Variants in PALS2 observed in about 807,000 individuals in gnomAD.
The protein encoded by PALS2 is protein PALS2.
Under a neutral mutation model 61.6 loss-of-function variants are expected in PALS2, and 27 were observed. The observed-to-expected ratio is 0.44, with a 90% CI of 0.32 to 0.60. PALS2 has a LOEUF of 0.60. Among genes scored for constraint, PALS2 ranks in the 20% least tolerant of loss-of-function variants. The probability of loss-of-function intolerance (pLI) is 0.05; values close to 1 mark genes in which losing one functional copy is unlikely to be tolerated. For missense variants in PALS2, 554 were observed against 639.4 expected, an observed-to-expected ratio of 0.87 and a Z score of 1.44; for synonymous variants, 236 against 218.6, an observed-to-expected ratio of 1.08 and a Z score of -0.70.
intron 5 of PALS2, among the ~76,000 whole-genome samples, chr7:24,661,343 AT>A (rs1218778629): frequency 5.3e-5 from 8 of 152,068 alleles, no homozygotes; most frequent in African/African-American, 1.7e-4. Flanking sequence ...AAAAAAAAAA[AT>A]AAATTGTTCT....
At chr7:24,608,640 G>A (rs1784010043) in intron 1 of PALS2, among the ~76,000 whole-genome samples, 1 of 152,132 alleles carries the variant, frequency 6.6e-6, no homozygotes, top group Non-Finnish European at 1.5e-5. Context: ...TTTAGAAACA[G>A]TGTCTTGCTG....
chr7:24,681,578 G>C (rs1202579671), intron 11 of PALS2, among the ~76,000 whole-genome samples: 1 of 142,464 alleles, frequency 7.0e-6, no homozygotes. Flanking sequence ...ATTCAAACAA[G>C]ATCAACACAT....
At position 24,666,023 on chromosome 7, in the gene PALS2, C is replaced by G. The variant is rs1786998692; in HGVS notation, c.886C>G (p.Pro296Ala). 1.2e-6 allele frequency: 2 copies of G among 1,607,746 alleles called. No homozygotes were observed. The highest frequency in any genetic ancestry group is 2.2e-5 in the East Asian group (1 of 44,794). The part of the protein sequence containing the change: ...FVRRDWDNSG[P>A]FCGTISSKKK... ...ATATTTGTTTTATCATCCTTCAGGA[C>G]CTTTTTGTGGAACTATAAGTAGCAA... Residue 296 changes from proline (P) to alanine (A), a missense_variant and splice_region_variant, in exon 8 of 12, where the codon CCT becomes GCT. Coordinates refer to ENST00000222644, the MANE Select transcript of PALS2 (RefSeq NM_001303037.2).
At chr7:24,595,424 T>A (rs993036010) in intron 1 of PALS2, among the ~76,000 whole-genome samples, 1 of 141,404 alleles carries the variant, frequency 7.1e-6, no homozygotes, top group African/African-American at 2.6e-5. Context: ...TATAAATATA[T>A]AAAAAATATA....
At chr7:24,576,463 G>T (rs1400918528) in intron 1 of PALS2, among the ~76,000 whole-genome samples, 1 of 152,196 alleles carries the variant, frequency 6.6e-6, no homozygotes, top group African/African-American at 2.4e-5. Context: ...GCACTCTGAA[G>T]CAAGTCTCAA....
intron 1 of PALS2, among the ~76,000 whole-genome samples, chr7:24,599,617 G>C (rs182870130): frequency 1.4e-5 from 2 of 144,828 alleles, no homozygotes; most frequent in Non-Finnish European, 3.0e-5. Context: ...TGATTTTCCC[G>C]TCCCAGCCTC....
chr7:24,640,427 A>G (rs1018143783), intron 2 of PALS2, among the ~76,000 whole-genome samples: 6 of 152,188 alleles, frequency 3.9e-5, no homozygotes, highest in East Asian at 1.9e-4. Context: ...AATAACATCT[A>G]AAGTATGATA....
At chr7:24,624,669 C>G (rs1784663532) in intron 2 of PALS2, among the ~76,000 whole-genome samples, 1 of 135,834 alleles carries the variant, frequency 7.4e-6, no homozygotes, top group Non-Finnish European at 1.5e-5. Flanking sequence ...TGCACTGGCA[C>G]GATCTCAGCT....
intron 3 of PALS2, among the ~76,000 whole-genome samples, chr7:24,642,209 C>G (rs1197057059): frequency 2.0e-5 from 3 of 152,162 alleles, no homozygotes; most frequent in African/African-American, 7.2e-5. Context: ...CATTCCCATT[C>G]TGTTTCTTAG....
At chr7:24,630,007 A>G (rs367952257) in intron 2 of PALS2, among the ~76,000 whole-genome samples, 1 of 152,204 alleles carries the variant, frequency 6.6e-6, no homozygotes, top group Non-Finnish European at 1.5e-5. Context: ...AAATCATTCT[A>G]CTATAAAGAC....
chr7:24,640,987 A>G lies in PALS2; in HGVS notation c.118-729A>G, dbSNP rs201674281. ...CGCGCCACTGCACTCCAGCCTGGGCAACAGTGCGAGACTCCATCTCAAAAA... is the reference window on the plus strand; with the variant it reads ...CGCGCCACTGCACTCCAGCCTGGGCGACAGTGCGAGACTCCATCTCAAAAA... On this transcript the variant is annotated intron_variant, in intron 2 of 11. Coordinates refer to ENST00000222644, the MANE Select transcript of PALS2 (RefSeq NM_001303037.2). Among the ~76,000 whole-genome samples, 511 of 144,910 alleles carry G rather than the reference A, an allele frequency of 3.5e-3. 8 individuals are homozygous for G. In the East Asian group the frequency reaches 0.04, roughly 11 times the overall value.
At chr7:24,609,841 T>C (rs55822161) in intron 1 of PALS2, among the ~76,000 whole-genome samples, 9,583 of 152,190 alleles carry the variant, frequency 0.063, 347 homozygotes, top group African/African-American at 0.093. Context: ...CTTAATGGCC[T>C]GGAATGACTG....
chr7:24,590,720 A>C (rs1408473549), intron 1 of PALS2, among the ~76,000 whole-genome samples: 2 of 152,064 alleles, frequency 1.3e-5, no homozygotes, highest in Admixed American at 1.3e-4. Flanking sequence ...GCCAGGGCCT[A>C]AATGGCAGCT....
chr7:24,584,850 G>A (rs1782996913), intron 1 of PALS2, among the ~76,000 whole-genome samples: 1 of 151,860 alleles, frequency 6.6e-6, no homozygotes, highest in Admixed American at 6.5e-5. Flanking sequence ...TAAGGTGTAA[G>A]GAAGGGATCC....
At chr7:24,647,227 G>T (rs35667270) in intron 3 of PALS2, among the ~76,000 whole-genome samples, 1 of 151,022 alleles carries the variant, frequency 6.6e-6, no homozygotes, top group Admixed American at 6.6e-5. Context: ...GTTCTCTGCA[G>T]CCTCCACCTC....
rs138140291 is a variant in PALS2 at position 24,651,221 on chromosome 7, C to T, written c.651+509C>T. 2.5e-3 allele frequency among the ~76,000 whole-genome samples: 385 copies of T among 152,026 alleles called. 1 individual carries two copies. Among genetic ancestry groups the T allele is most frequent in the Middle Eastern group, 0.01 (3 of 294 alleles). ...ATTTTAGGTAAACTAGGTAATTGAACGGGAAAATGTTTTAGTTATAGAGAT... is the reference window on the plus strand; with the variant it reads ...ATTTTAGGTAAACTAGGTAATTGAATGGGAAAATGTTTTAGTTATAGAGAT... On this transcript the variant is annotated intron_variant, in intron 5 of 11. Coordinates refer to ENST00000222644, the MANE Select transcript of PALS2 (RefSeq NM_001303037.2).
intron 5 of PALS2, among the ~76,000 whole-genome samples, chr7:24,663,029 C>A (rs922096874): frequency 6.6e-6 from 1 of 152,044 alleles, no homozygotes; most frequent in Non-Finnish European, 1.5e-5. Flanking sequence ...ATTTGTCTTA[C>A]AATGAATTTA....
intron 1 of PALS2, among the ~76,000 whole-genome samples, chr7:24,586,429 C>T (rs1562599049): frequency 1.3e-5 from 2 of 152,032 alleles, no homozygotes; most frequent in Admixed American, 1.3e-4. Context: ...AGAAATAGGT[C>T]ATAAGCTGGG....
chr7:24,686,185 T>C (rs1414259070), intron 11 of PALS2, among the ~76,000 whole-genome samples: 3 of 152,162 alleles, frequency 2.0e-5, no homozygotes, highest in Non-Finnish European at 4.4e-5. Context: ...AAAAAGCTAA[T>C]CCTGATTATT....
Sources: allele counts gnomAD v4.1 joint callset (sites outside exome capture counted in the v4.1 genomes callset), GRCh38; gene constraint gnomAD v4.1.1; transcripts MANE v1.5; gene names NCBI Gene and HGNC (gene_info 2026-07-23, HGNC 2026-07-21).